Variants in HIPK3 observed in about 807,000 individuals in gnomAD.
HIPK3 encodes homeodomain interacting protein kinase 3.
HIPK3 carries 47 observed loss-of-function variants against 124.2 expected under a neutral mutation model. That is an observed-to-expected ratio of 0.38 (90% CI 0.30 to 0.48). HIPK3 has a LOEUF of 0.48. Among genes scored for constraint, HIPK3 ranks in the 20% least tolerant of loss-of-function variants. The probability of loss-of-function intolerance (pLI) is 0.98; values close to 1 mark genes in which losing one functional copy is unlikely to be tolerated. For missense variants in HIPK3, 1,286 were observed against 1,454.3 expected, an observed-to-expected ratio of 0.88 and a Z score of 1.88; for synonymous variants, 482 against 515.2, an observed-to-expected ratio of 0.94 and a Z score of 0.87.
At chr11:33,332,610 A>G (rs1213914934) in intron 3 of HIPK3, among the ~76,000 whole-genome samples, 1 of 152,190 alleles carries the variant, frequency 6.6e-6, no homozygotes, top group Non-Finnish European at 1.5e-5. Flanking sequence ...TTATATTCAA[A>G]TTATATTTGG....
chr11:33,348,098 G>A, intron 11 of HIPK3, 68 bp from the exon 12 acceptor site: 1 of 1,601,386 alleles, frequency 6.2e-7, no homozygotes, highest in Non-Finnish European at 8.6e-7. Context: ...TCACTCTGTT[G>A]TATTCAAAAT....
chr11:33,258,195 G>A, intron 1 of HIPK3: 1 of 620,196 alleles, frequency 1.6e-6, no homozygotes, highest in Non-Finnish European at 2.0e-6. Flanking sequence ...GCCGGGGCCC[G>A]GGGGCCTCGG....
chr11:33,297,385 C>T (rs553111860), intron 2 of HIPK3, among the ~76,000 whole-genome samples: 22 of 152,254 alleles, frequency 1.4e-4, no homozygotes, highest in Admixed American at 3.9e-4. Context: ...TGAGCCACCG[C>T]GCCCTGCTGG....
At chr11:33,262,364 G>A (rs1168479894) in intron 1 of HIPK3, among the ~76,000 whole-genome samples, 1 of 152,186 alleles carries the variant, frequency 6.6e-6, no homozygotes, top group Non-Finnish European at 1.5e-5. Flanking sequence ...GAGGATGTAT[G>A]TTACACATTT....
At chr11:33,299,712 G>A in intron 2 of HIPK3, among the ~76,000 whole-genome samples, 1 of 151,930 alleles carries the variant, frequency 6.6e-6, no homozygotes. Context: ...AATCAATGTG[G>A]CAAACTTTAC....
chr11:33,349,638 A>G (rs1370287948), intron 14 of HIPK3, among the ~76,000 whole-genome samples: 1 of 152,000 alleles, frequency 6.6e-6, no homozygotes, highest in Non-Finnish European at 1.5e-5. Context: ...TTTTGTAGAG[A>G]TGGGATCTTG....
At chr11:33,312,515 C>T (rs1030236883) in intron 2 of HIPK3, among the ~76,000 whole-genome samples, 8 of 152,182 alleles carry the variant, frequency 5.3e-5, no homozygotes, top group Middle Eastern at 3.4e-3. Context: ...TTGTGTTCAT[C>T]GAATACATCT....
Position 33,344,696 on chromosome 11 carries a change from GAGA to G in HIPK3, c.1898-2591_1898-2589del, listed in dbSNP as rs1400366877. On this transcript the variant is annotated intron_variant, in intron 8 of 16. Transcript: ENST00000303296. ...GCACTTTTGAATTAGAATTACTAGT[GAGA>G]AGAAGCACAGTATGTTTTAGCTTTT... 2.0e-5 allele frequency among the ~76,000 whole-genome samples: 3 copies of G among 152,176 alleles called. No individual in the cohort carries two copies. The East Asian group carries it at 5.8e-4, about 29-fold the overall frequency.
chr11:33,327,561 T>C (rs1852847436), intron 2 of HIPK3, among the ~76,000 whole-genome samples: 1 of 152,194 alleles, frequency 6.6e-6, no homozygotes, highest in African/African-American at 2.4e-5. Flanking sequence ...TGGAGATGTA[T>C]CAGAGTTCAT....
chr11:33,266,680 G>A (rs1267781130), intron 1 of HIPK3, among the ~76,000 whole-genome samples: 1 of 152,104 alleles, frequency 6.6e-6, no homozygotes, highest in Non-Finnish European at 1.5e-5. Context: ...CCACTGCACT[G>A]TAGCCTTGGA....
In HIPK3 at chr11:33,348,743, G is replaced by A. The variant is rs1853572450; in HGVS notation, c.2591G>A (p.Ser864Asn). The A allele has an allele frequency of 6.2e-7, 1 of 1,614,176 alleles. No homozygotes were observed. Among genetic ancestry groups the A allele is most frequent in the Non-Finnish European group, 8.5e-7 (1 of 1,180,012 alleles). ...RQTIIIADSP[S>N]PAVSVITISS... Reference sequence around the variant, plus strand: ...ACCATCATTATTGCCGACTCCCCGAGTCCTGCAGTGAGTGTCATCACTATC... The same window carrying A: ...ACCATCATTATTGCCGACTCCCCGAATCCTGCAGTGAGTGTCATCACTATC... Residue 864 changes from serine to asparagine, a missense_variant, in exon 13 of 17, where the codon AGT becomes AAT. This residue lies in a region of HIPK3 where 810 missense variants were observed against 864.9 expected (regional missense o/e 0.94). Transcript: ENST00000303296.
At chr11:33,283,346 G>A (rs1387730458) in intron 1 of HIPK3, among the ~76,000 whole-genome samples, 4 of 152,066 alleles carry the variant, frequency 2.6e-5, no homozygotes, top group Admixed American at 6.5e-5. Flanking sequence ...TCCTGACCTC[G>A]TGATCCGCCC....
chr11:33,291,120 T>C (rs771057016), intron 2 of HIPK3, among the ~76,000 whole-genome samples: 3 of 152,206 alleles, frequency 2.0e-5, no homozygotes, highest in Non-Finnish European at 2.9e-5. Context: ...TGTTTTAATA[T>C]CTAGTGTAAT....
intron 1 of HIPK3, among the ~76,000 whole-genome samples, chr11:33,264,204 A>G (rs979193558): frequency 1.4e-4 from 21 of 152,054 alleles, no homozygotes; most frequent in African/African-American, 4.8e-4. Flanking sequence ...GTGGATATTT[A>G]GAGAAGCATA....
chr11:33,341,075 G>A lies in HIPK3; in HGVS notation c.1721G>A (p.Ser574Asn), dbSNP rs1187497046. 2.5e-6 allele frequency: 4 copies of A among 1,611,694 alleles called. No individual in the cohort carries two copies. The highest frequency in any genetic ancestry group is 3.4e-5 in the Admixed American group (2 of 59,680). The change falls in exon 7 of 17, where the codon AGT (serine) becomes AAT (asparagine). Residue 574 changes from serine to asparagine, a missense_variant. Ser to Asn is a conservative substitution (Grantham distance 46). Around this residue, in one of 3 missense-constraint regions of HIPK3, gnomAD observed 810 missense variants for 864.9 expected, o/e 0.94. Coordinates refer to ENST00000303296, the MANE Select transcript of HIPK3 (RefSeq NM_005734.5). ...TSLLRPVASSSTATLTANFTK... is the reference protein window; with the variant it reads ...TSLLRPVASSNTATLTANFTK... ...CTTTTAAGACCAGTTGCTTCAAGCA[G>A]TACTGCTACACTGACTGCAAATTTT...
intron 2 of HIPK3, among the ~76,000 whole-genome samples, chr11:33,301,209 T>G (rs559730921): frequency 3.3e-5 from 5 of 152,176 alleles, no homozygotes; most frequent in Non-Finnish European, 7.3e-5. Flanking sequence ...TTTAGAATTG[T>G]TCACCCCTGC....
intron 2 of HIPK3, among the ~76,000 whole-genome samples, chr11:33,323,431 CAG>C (rs1430144064): frequency 6.6e-6 from 1 of 152,108 alleles, no homozygotes; most frequent in Non-Finnish European, 1.5e-5. Context: ...TTAGTAGAGA[CAG>C]AGTTTTACCA....
At chr11:33,294,244 A>T (rs923409648) in intron 2 of HIPK3, among the ~76,000 whole-genome samples, 2 of 152,218 alleles carry the variant, frequency 1.3e-5, no homozygotes, top group South Asian at 2.1e-4. Flanking sequence ...TTTAACTTTT[A>T]CATTGAAATT....
chr11:33,301,636 A>AAC (rs1224660164), intron 2 of HIPK3, among the ~76,000 whole-genome samples: 1 of 151,506 alleles, frequency 6.6e-6, no homozygotes, highest in Non-Finnish European at 1.5e-5. Flanking sequence ...AAAAAAAAAA[A>AAC]ACTTGGGCAT....
Sources: allele counts gnomAD v4.1 joint callset (sites outside exome capture counted in the v4.1 genomes callset), GRCh38; gene constraint gnomAD v4.1.1; regional missense constraint gnomAD v4.1.1; transcripts MANE v1.5; gene names NCBI Gene and HGNC (gene_info 2026-07-23, HGNC 2026-07-21).